The following DHRSX variants were observed in gnomAD, a reference collection of about 807,000 sequenced individuals.
DHRSX encodes the protein polyprenol dehydrogenase.
Under a neutral mutation model 34.0 loss-of-function variants are expected in DHRSX, and 31 were observed. The ratio of observed to expected loss-of-function variants is 0.91; its 90% confidence interval spans 0.69 to 1.23. The LOEUF is 1.23. Ranked by LOEUF, DHRSX falls within the 50% of genes most tolerant of loss-of-function variation. The probability of loss-of-function intolerance (pLI) is 0.00; values close to 1 mark genes in which losing one functional copy is unlikely to be tolerated. For synonymous variants in DHRSX, 201 were observed against 183.8 expected, an observed-to-expected ratio of 1.09 and a Z score of -0.76; for missense variants, 414 against 428.1, an observed-to-expected ratio of 0.97 and a Z score of 0.29.
chrX:2,466,254 C>T (rs1365839964), intron 1 of DHRSX, among the ~76,000 whole-genome samples: 2 of 152,118 alleles, frequency 1.3e-5, no homozygotes, highest in East Asian at 3.9e-4. Context: ...GACTGGCCAA[C>T]ATGGAGAAGC....
At chrX:2,256,846 A>G (rs1382368230) in intron 5 of DHRSX, among the ~76,000 whole-genome samples, 2 of 98,956 alleles carry the variant, frequency 2.0e-5, no homozygotes, top group Non-Finnish European at 6.1e-5. Context: ...TTTAGCATGC[A>G]TCAGAATTCC....
At chrX:2,366,982 T>C (rs2043001082) in intron 3 of DHRSX, among the ~76,000 whole-genome samples, 1 of 152,076 alleles carries the variant, frequency 6.6e-6, no homozygotes, top group Non-Finnish European at 1.5e-5. Context: ...TGTGAGGATG[T>C]GTATGTGCGG....
chrX:2,317,405 C>A (rs1569487985), intron 3 of DHRSX, among the ~76,000 whole-genome samples: 1 of 151,770 alleles, frequency 6.6e-6, no homozygotes, highest in African/African-American at 2.4e-5. Context: ...GCATGCAACG[C>A]CACGCCCTGC....
chrX:2,432,254 T>G (rs2043936651), intron 1 of DHRSX, among the ~76,000 whole-genome samples: 1 of 152,122 alleles, frequency 6.6e-6, no homozygotes, highest in Non-Finnish European at 1.5e-5. Flanking sequence ...AAAAAAAATC[T>G]AAACTGATAC....
At chrX:2,262,940 C>CGCT (rs1178469084) in intron 5 of DHRSX, among the ~76,000 whole-genome samples, 1 of 152,236 alleles carries the variant, frequency 6.6e-6, no homozygotes, top group African/African-American at 2.4e-5. Context: ...TCCTGCCCCT[C>CGCT]GCTGTGCAGG....
intron 5 of DHRSX, among the ~76,000 whole-genome samples, chrX:2,244,269 C>T (rs1291097399): frequency 6.6e-6 from 1 of 151,310 alleles, no homozygotes. Flanking sequence ...TGATAAAAAT[C>T]GATCCGATAA....
At chrX:2,330,194 G>A (rs1300859171) in intron 3 of DHRSX, among the ~76,000 whole-genome samples, 2 of 148,178 alleles carry the variant, frequency 1.3e-5, no homozygotes, top group Non-Finnish European at 3.0e-5. Flanking sequence ...AGAAGCAGGA[G>A]GAGGGGGAAG....
intron 3 of DHRSX, among the ~76,000 whole-genome samples, chrX:2,326,655 T>C (rs755877743): frequency 1.3e-5 from 2 of 152,192 alleles, no homozygotes; most frequent in African/African-American, 4.8e-5. Context: ...TTGTGTGTTA[T>C]TGGGGGAAAG....
chrX:2,489,528 C>A, intron 1 of DHRSX: 1 of 1,613,016 alleles, frequency 6.2e-7, no homozygotes, highest in South Asian at 1.1e-5. Context: ...AGGAGCTCCA[C>A]CAGCCCCTCG....
At chrX:2,472,329 G>A (rs776229870) in intron 1 of DHRSX, among the ~76,000 whole-genome samples, 12 of 152,176 alleles carry the variant, frequency 7.9e-5, no homozygotes, top group Non-Finnish European at 2.9e-5. Flanking sequence ...CCTGCTGGAG[G>A]GTGGAGGGTG....
At chrX:2,284,046 G>A (rs982390539) in intron 4 of DHRSX, among the ~76,000 whole-genome samples, 2 of 150,502 alleles carry the variant, frequency 1.3e-5, no homozygotes, top group East Asian at 2.0e-4. Context: ...GAATTCATTC[G>A]TTCCTTTGAC....
chrX:2,475,343 C>T (rs188128743), intron 1 of DHRSX, among the ~76,000 whole-genome samples: 2,359 of 148,178 alleles, frequency 0.016, 35 homozygotes, highest in Non-Finnish European at 0.024. Flanking sequence ...CCTAAGCATG[C>T]GGCTAAGGGA....
intron 3 of DHRSX, among the ~76,000 whole-genome samples, chrX:2,291,896 A>ATTTTT (rs928376249): frequency 7.3e-5 from 7 of 96,144 alleles, no homozygotes; most frequent in Admixed American, 1.2e-4. Flanking sequence ...GTATTTTTGT[A>ATTTTT]TTTTTTTTTT....
Position 2,425,182 on chromosome X carries a change from T to C in DHRSX, c.217+15A>G, listed in dbSNP as rs753207293. On this transcript the variant is annotated intron_variant, in intron 2 of 6. Transcript: ENST00000334651. Reference sequence around the variant, plus strand: ...CGAAAAAACAAAAAACACAAGTAACTGTAAAAGTCATCACCTATGATAACA... The same window carrying C: ...CGAAAAAACAAAAAACACAAGTAACCGTAAAAGTCATCACCTATGATAACA... 5.7e-6 allele frequency: 9 copies of C among 1,575,408 alleles called. No homozygotes were observed. The African/African-American group carries it at 9.7e-5, about 17-fold the overall frequency.
chrX:2,432,891 G>C (rs2043945129), intron 1 of DHRSX, among the ~76,000 whole-genome samples: 1 of 152,188 alleles, frequency 6.6e-6, no homozygotes, highest in South Asian at 2.1e-4. Context: ...TGAGGGCTGA[G>C]GTGGGGGTAT....
At chrX:2,356,993 C>T (rs1456656110) in intron 3 of DHRSX, among the ~76,000 whole-genome samples, 1 of 152,086 alleles carries the variant, frequency 6.6e-6, no homozygotes, top group African/African-American at 2.4e-5. Context: ...TCTGTAATCC[C>T]AGCACTTTGG....
intron 2 of DHRSX, among the ~76,000 whole-genome samples, chrX:2,420,488 T>C (rs1376664355): frequency 6.6e-6 from 1 of 151,718 alleles, no homozygotes; most frequent in Non-Finnish European, 1.5e-5. Context: ...CTCACGCCTG[T>C]AATACCAGCA....
At chrX:2,330,778 GAAT>G (rs1282290285) in intron 3 of DHRSX, among the ~76,000 whole-genome samples, 1 of 150,318 alleles carries the variant, frequency 6.7e-6, no homozygotes, top group African/African-American at 2.5e-5. Flanking sequence ...CAGGGAGAGA[GAAT>G]AAGAGAATGA....
chrX:2,464,474 GCTCC>G (rs1026632919), intron 1 of DHRSX, among the ~76,000 whole-genome samples: 3 of 89,558 alleles, frequency 3.3e-5, no homozygotes, highest in South Asian at 3.3e-4. Flanking sequence ...CACTGAAGAC[GCTCC>G]CTAAGAATGC....
Sources: gnomAD v4.1 joint callset for allele counts (sites outside exome capture counted in the v4.1 genomes callset) on GRCh38, gnomAD v4.1.1 for gene constraint, MANE v1.5 for transcripts, NCBI Gene and HGNC (gene_info 2026-07-23, HGNC 2026-07-21) for gene names.